The following KTI12 variants were observed in gnomAD, a reference collection of about 807,000 sequenced individuals.
KTI12 encodes the protein KTI12 chromatin associated homolog.
A neutral mutation model predicts 8.8 loss-of-function variants in KTI12; 8 were observed. That is an observed-to-expected ratio of 0.91 (90% CI 0.53 to 1.64). KTI12 has a LOEUF of 1.64. Among genes scored for constraint, KTI12 ranks in the 40% most tolerant of loss-of-function variants. The probability of loss-of-function intolerance (pLI) is 0.00; values close to 1 mark genes in which losing one functional copy is unlikely to be tolerated. For missense variants in KTI12, 490 were observed against 492.1 expected (o/e 1.00, Z 0.04); for synonymous variants, 216 against 220.1 (o/e 0.98, Z 0.17).
rs531560649 is a variant in KTI12, at chr1:52,033,316, C to A, written c.446G>T (p.Ser149Ile). The A allele has an allele frequency of 1.9e-6, 3 of 1,613,892 alleles. No homozygotes were observed. Among genetic ancestry groups the A allele is most frequent in the Non-Finnish European group, 2.5e-6 (3 of 1,179,974 alleles). Residue 149 changes from serine to isoleucine, a missense_variant, in exon 1 of 1, where the codon AGC (serine) becomes ATC (isoleucine). Physicochemically the swap from Ser to Ile is moderately radical, Grantham distance 142. Coordinates refer to ENST00000371614, the MANE Select transcript of KTI12 (RefSeq NM_138417.3). The part of the protein sequence containing the change: ...EEDGRAQAAG[S>I]SVLRELHTAD... Reference sequence around the variant, plus strand: ...AGTATGCAGTTCCCTGAGGACGCTGCTGCCCGCCGCCTGGGCTCTCCCGTC... The same window carrying A: ...AGTATGCAGTTCCCTGAGGACGCTGATGCCCGCCGCCTGGGCTCTCCCGTC...
rs370677444 is a variant in KTI12, at chr1:52,033,729, G to A, written c.33C>T (p.Tyr11=). MPLVVFCGLP[Y]SGKSRRAEEL... Reference sequence around the variant, plus strand: ...CTTCAGCACGCCGGCTCTTGCCGCTGTACGGCAGCCCGCAAAACACCACGA... The same window carrying A: ...CTTCAGCACGCCGGCTCTTGCCGCTATACGGCAGCCCGCAAAACACCACGA... Residue 11 remains tyrosine, a synonymous_variant, in exon 1 of 1, where the codon TAC becomes TAT. Transcript: ENST00000371614. 8.3e-5 allele frequency: 134 copies of A among 1,607,626 alleles called. No homozygotes were observed. Among genetic ancestry groups the A allele is most frequent in the Non-Finnish European group, 1.1e-4 (130 of 1,177,008 alleles).
rs775602415 is a variant in KTI12, at chr1:52,033,322, G to A, written c.440C>T (p.Ala147Val). ...CAGTTCCCTGAGGACGCTGCTGCCC[G>A]CCGCCTGGGCTCTCCCGTCCTCCTC... is the stretch of plus-strand genomic sequence containing the variant. ...RAEEDGRAQA[A>V]GSSVLRELHT... The change falls in exon 1 of 1, where the codon GCG becomes GTG. Residue 147 changes from alanine (A) to valine (V), a missense_variant. Ala to Val is a moderately conservative substitution (Grantham distance 64). Coordinates refer to ENST00000371614, the MANE Select transcript of KTI12 (RefSeq NM_138417.3). The A allele has an allele frequency of 6.2e-7, 1 of 1,613,820 alleles. No individual in the cohort carries two copies. Among genetic ancestry groups the A allele is most frequent in the Non-Finnish European group, 8.5e-7 (1 of 1,179,976 alleles).
Position 52,032,889 on chromosome 1 carries a change from G to C in KTI12, c.873C>G (p.Ser291Arg). Residue 291 changes from serine to arginine, a missense_variant, in exon 1 of 1, where the codon AGC becomes AGG. By Grantham distance (110) the Ser-to-Arg change is moderately radical (BLOSUM62 -1). Transcript: ENST00000371614. ...VLAGLMEAQK[S>R]AVPGDLLTLP... ...GCGTGAGCAAGTCCCCGGGGACAGC[G>C]CTCTTCTGCGCTTCCATCAATCCGG... 6.2e-7 allele frequency: 1 copy of C among 1,613,300 alleles called. No individual in the cohort carries two copies. Among genetic ancestry groups the C allele is most frequent in the Non-Finnish European group, 8.5e-7 (1 of 1,179,704 alleles).
Position 52,032,912 on chromosome 1 carries a change from C to A in KTI12, c.850G>T (p.Gly284Ter). The A allele has an allele frequency of 1.2e-6, 2 of 1,611,270 alleles. No homozygotes were observed. Among genetic ancestry groups the A allele is most frequent in the Non-Finnish European group, 1.7e-6 (2 of 1,178,796 alleles). Residue 284 changes from glycine to a stop codon, truncating the protein, a stop_gained, in exon 1 of 1, where the codon GGA becomes TGA. Transcript: ENST00000371614. LOFTEE classifies it high-confidence loss of function. ...LDQVTSQVLAGLMEAQKSAVP... is the reference protein window; with the variant it reads ...LDQVTSQVLA ...GCGCTCTTCTGCGCTTCCATCAATCCGGCCAGTACTTGACTCGTGACCTGG... is the reference window on the plus strand; with the variant it reads ...GCGCTCTTCTGCGCTTCCATCAATCAGGCCAGTACTTGACTCGTGACCTGG...
In KTI12 at chr1:52,032,427, C is replaced by A; in HGVS notation, c.*270G>T. ...GCTCTGTGATAGCCCAAGTAGGATC[C>A]AATCTAGGTAATCCCTGTCCACCTT... On this transcript the variant is annotated 3_prime_UTR_variant, in exon 1 of 1. Transcript: ENST00000371614. 8.3e-7 allele frequency: 1 copy of A among 1,204,528 alleles called. No homozygotes were observed. The highest frequency in any genetic ancestry group is 3.3e-5 in the South Asian group (1 of 30,320). 74.6% of individuals were successfully genotyped at this position (1,204,528 alleles called of 1,614,324 possible).
chr1:52,032,545 CAG>C lies in KTI12; in HGVS notation c.*150_*151del. The C allele has an allele frequency of 7.2e-7, 1 of 1,397,442 alleles. No homozygotes were observed. Among genetic ancestry groups the C allele is most frequent in the African/African-American group, 1.4e-5 (1 of 69,142 alleles). 86.6% of individuals were successfully genotyped at this position (1,397,442 alleles called of 1,614,324 possible). A position where few individuals can be genotyped will look rare whatever the true frequency, so the allele number is the denominator to read the frequency against. On this transcript the variant is annotated 3_prime_UTR_variant, in exon 1 of 1. Coordinates refer to ENST00000371614, the MANE Select transcript of KTI12 (RefSeq NM_138417.3). The stretch of plus-strand genomic sequence containing the variant: ...TATGCTGTAAACCCAAGGCCTGGCA[CAG>C]GGGTATGCAGGAAAGTTTGAGTGAA...
rs1286762759 is a variant in KTI12 at position 52,033,206 on chromosome 1, C to T, written c.556G>A (p.Ala186Thr). Residue 186 changes from alanine (A) to threonine (T), a missense_variant, in exon 1 of 1, where the codon GCT becomes ACT. Physicochemically the swap from Ala to Thr is moderately conservative, Grantham distance 58. Coordinates refer to ENST00000371614, the MANE Select transcript of KTI12 (RefSeq NM_138417.3). ...REESGAAESP[A>T]LVTPDSEKSA... ...TTCTCTGAATCCGGAGTCACAAGAG[C>T]TGGAGACTCCGCAGCCCCGGATTCT... The T allele has an allele frequency of 1.9e-6, 3 of 1,614,224 alleles. No homozygotes were observed. The South Asian group carries it at 3.3e-5, about 18-fold the overall frequency.
At position 52,032,583 on chromosome 1, in the gene KTI12, C is replaced by T. The variant is rs1685783024; in HGVS notation, c.*114G>A. On this transcript the variant is annotated 3_prime_UTR_variant, in exon 1 of 1. Coordinates refer to ENST00000371614, the MANE Select transcript of KTI12 (RefSeq NM_138417.3). ...GAAAGTTTGAGTGAATCAGTCACAA[C>T]AGCTCTAGTACAGTACTGCATCGAT... 2 of 1,436,930 alleles carry T rather than the reference C, an allele frequency of 1.4e-6. No homozygotes were observed. The highest frequency in any genetic ancestry group is 3.0e-5 in the Admixed American group (1 of 33,314). The allele number at this position is 1,436,930 out of a possible 1,614,324, so 89.0% of individuals were successfully genotyped here. A position where few individuals can be genotyped will look rare whatever the true frequency, so the allele number is the denominator to read the frequency against.
In KTI12 at chr1:52,033,678, C is replaced by T; in HGVS notation, c.84G>A (p.Glu28=). 6.2e-7 allele frequency: 1 copy of T among 1,611,070 alleles called. No individual in the cohort carries two copies. The highest frequency in any genetic ancestry group is 8.5e-7 in the Non-Finnish European group (1 of 1,179,696). The stretch of plus-strand genomic sequence containing the variant: ...CGTCCACCACGTACACCGCGCGGCC[C>T]TCGGCAGCCAGCGCCACGCGCAACT... ...AEELRVALAA[E]GRAVYVVDDA... is the part of the protein sequence containing the mutation. Residue 28 remains glutamate, a synonymous_variant, in exon 1 of 1, where the codon GAG becomes GAA. Coordinates refer to ENST00000371614, the MANE Select transcript of KTI12 (RefSeq NM_138417.3).
rs751687520 is a variant in KTI12 at position 52,033,331 on chromosome 1, G to A, written c.431C>T (p.Ala144Val). 1.9e-6 allele frequency: 3 copies of A among 1,613,702 alleles called. No homozygotes were observed. The highest frequency in any genetic ancestry group is 1.7e-6 in the Non-Finnish European group (2 of 1,180,004). ...WRPRAEEDGR[A>V]QAAGSSVLRE... Reference sequence around the variant, plus strand: ...GAGGACGCTGCTGCCCGCCGCCTGGGCTCTCCCGTCCTCCTCAGCGCGTGG... The same window carrying A: ...GAGGACGCTGCTGCCCGCCGCCTGGACTCTCCCGTCCTCCTCAGCGCGTGG... The change falls in exon 1 of 1, where the codon GCC (alanine) becomes GTC (valine). Residue 144 changes from alanine (A) to valine (V), a missense_variant. By Grantham distance (64) the Ala-to-Val change is moderately conservative. Coordinates refer to ENST00000371614, the MANE Select transcript of KTI12 (RefSeq NM_138417.3).
In KTI12 at chr1:52,033,217, G is replaced by A. The variant is rs1239914306; in HGVS notation, c.545C>T (p.Ala182Val). The A allele has an allele frequency of 1.2e-6, 2 of 1,614,172 alleles. No individual in the cohort carries two copies. Among genetic ancestry groups the A allele is most frequent in the Non-Finnish European group, 1.7e-6 (2 of 1,180,036 alleles). The change falls in exon 1 of 1, where the codon GCG becomes GTG. Residue 182 changes from alanine (A) to valine (V), a missense_variant. Physicochemically the swap from Ala to Val is moderately conservative, Grantham distance 64. Coordinates refer to ENST00000371614, the MANE Select transcript of KTI12 (RefSeq NM_138417.3). ...KELEREESGA[A>V]ESPALVTPDS... ...CGGAGTCACAAGAGCTGGAGACTCC[G>A]CAGCCCCGGATTCTTCTCGCTCCAG...
At position 52,033,065 on chromosome 1, in the gene KTI12, C is replaced by T. The variant is rs753840698; in HGVS notation, c.697G>A (p.Val233Met). 4 of 1,599,722 alleles carry T rather than the reference C, an allele frequency of 2.5e-6. No homozygotes were observed. Among genetic ancestry groups the T allele is most frequent in the Admixed American group, 1.8e-5 (1 of 57,050 alleles). Residue 233 changes from valine (V) to methionine (M), a missense_variant, in exon 1 of 1, where the codon GTG becomes ATG. Physicochemically the swap from Val to Met is conservative, Grantham distance 21. Coordinates refer to ENST00000371614, the MANE Select transcript of KTI12 (RefSeq NM_138417.3). The stretch of plus-strand genomic sequence containing the variant: ...AGGGGCAACGGCTCCTCTAGGCCCA[C>T]CAAAGTGAATAAAGGCCGGTCCCAG... ...NRWDRPLFTL[V>M]GLEEPLPLAG...
rs761724084 is a variant in KTI12, at chr1:52,033,129, G to A, written c.633C>T (p.Ala211=). ...GAFYSPELLE[A]LTLRFEAPDS... is the part of the protein sequence containing the mutation. ...CGGGAGCCTCAAAGCGCAGCGTTAGGGCCTCCAGGAGTTCGGGAGAGTAAA... is the reference window on the plus strand; with the variant it reads ...CGGGAGCCTCAAAGCGCAGCGTTAGAGCCTCCAGGAGTTCGGGAGAGTAAA... Residue 211 remains alanine, a synonymous_variant, in exon 1 of 1, where the codon GCC becomes GCT. Coordinates refer to ENST00000371614, the MANE Select transcript of KTI12 (RefSeq NM_138417.3). The A allele has an allele frequency of 6.2e-7, 1 of 1,613,992 alleles. No individual in the cohort carries two copies. Among genetic ancestry groups the A allele is most frequent in the Non-Finnish European group, 8.5e-7 (1 of 1,180,006 alleles).
chr1:52,032,452 T>C lies in KTI12; in HGVS notation c.*245A>G. The C allele has an allele frequency of 3.1e-6, 4 of 1,276,420 alleles. No homozygotes were observed. Among genetic ancestry groups the C allele is most frequent in the Non-Finnish European group, 4.0e-6 (4 of 1,012,602 alleles). 79.1% of individuals were successfully genotyped at this position (1,276,420 alleles called of 1,614,324 possible). On this transcript the variant is annotated 3_prime_UTR_variant, in exon 1 of 1. Coordinates refer to ENST00000371614, the MANE Select transcript of KTI12 (RefSeq NM_138417.3). The stretch of plus-strand genomic sequence containing the variant: ...CAATCTAGGTAATCCCTGTCCACCT[T>C]AGCTCTGTCCTCTGAGGGATTTGCC...
At position 52,033,272 on chromosome 1, in the gene KTI12, C is replaced by T; in HGVS notation, c.490G>A (p.Gly164Arg). Residue 164 changes from glycine (G) to arginine (R), a missense_variant, in exon 1 of 1, where the codon GGA (glycine) becomes AGA (arginine). Gly to Arg is a moderately radical substitution (Grantham distance 125). Transcript: ENST00000371614. ...TTGGGTACGTCGGCCTGGGCACTTC[C>T]ATTTACTACAGAGTCCGCAGTATGC... The part of the protein sequence containing the change: ...ELHTADSVVN[G>R]SAQADVPKEL... 1 of 1,613,934 alleles carries T rather than the reference C, an allele frequency of 6.2e-7. No homozygotes were observed. The highest frequency in any genetic ancestry group is 1.7e-5 in the Admixed American group (1 of 60,014).
Position 52,032,741 on chromosome 1 carries a change from G to A in KTI12, c.1021C>T (p.Leu341=). 6.2e-7 allele frequency: 1 copy of A among 1,613,804 alleles called. No individual in the cohort carries two copies. Among genetic ancestry groups the A allele is most frequent in the Non-Finnish European group, 8.5e-7 (1 of 1,179,800 alleles). Residue 341 remains leucine, a synonymous_variant, in exon 1 of 1, where the codon CTG becomes TTG. Coordinates refer to ENST00000371614, the MANE Select transcript of KTI12 (RefSeq NM_138417.3). ...MHPNNENLPQ[L]ANMFLQYLSQ... ...AAATACTGAAGAAACATGTTGGCCA[G>A]TTGCGGCAAGTTCTCATTGTTGGGA...
Position 52,032,618 on chromosome 1 carries a change from A to C in KTI12, c.*79T>G. ...ACAGTACTGCATCGATATGCTCTGG[A>C]GACCTGCAGCCTATTTTTCCCAGAG... On this transcript the variant is annotated 3_prime_UTR_variant, in exon 1 of 1. Coordinates refer to ENST00000371614, the MANE Select transcript of KTI12 (RefSeq NM_138417.3). The C allele has an allele frequency of 6.6e-7, 1 of 1,521,066 alleles. No homozygotes were observed. Among genetic ancestry groups the C allele is most frequent in the South Asian group, 1.3e-5 (1 of 74,956 alleles). The allele number at this position is 1,521,066 out of a possible 1,614,324, so 94.2% of individuals were successfully genotyped here.
In KTI12 at chr1:52,033,285, G is replaced by C. The variant is rs775849058; in HGVS notation, c.477C>G (p.Asp159Glu). 2 of 1,613,972 alleles carry C rather than the reference G, an allele frequency of 1.2e-6. No homozygotes were observed. Among genetic ancestry groups the C allele is most frequent in the African/African-American group, 1.3e-5 (1 of 75,068 alleles). ...SSVLRELHTA[D>E]SVVNGSAQAD... The stretch of plus-strand genomic sequence containing the variant: ...CCTGGGCACTTCCATTTACTACAGA[G>C]TCCGCAGTATGCAGTTCCCTGAGGA... The change falls in exon 1 of 1, where the codon GAC (aspartate) becomes GAG (glutamate). Residue 159 changes from aspartate (D) to glutamate (E), a missense_variant. Transcript: ENST00000371614.
Position 52,033,634 on chromosome 1 carries a change from G to A in KTI12, c.128C>T (p.Ala43Val), listed in dbSNP as rs1685823380. Residue 43 changes from alanine to valine, a missense_variant, in exon 1 of 1, where the codon GCA (alanine) becomes GTA (valine). Ala to Val is a moderately conservative substitution (Grantham distance 64). Coordinates refer to ENST00000371614, the MANE Select transcript of KTI12 (RefSeq NM_138417.3). ...ATCGCCGTACACCGCTGGGTCCTCT[G>A]CGCCCAGGACAGCTGCGTCGTCCAC... ...YVVDDAAVLG[A>V]EDPAVYGDSA... 1.9e-6 allele frequency: 3 copies of A among 1,611,852 alleles called. No homozygotes were observed. The highest frequency in any genetic ancestry group is 1.1e-5 in the South Asian group (1 of 91,086).
Sources: gnomAD v4.1 joint callset for allele counts on GRCh38, gnomAD v4.1.1 for gene constraint, MANE v1.5 for transcripts, NCBI Gene and HGNC (gene_info 2026-07-23, HGNC 2026-07-21) for gene names.